PLCB1: variants seen among roughly 807,000 people sequenced by gnomAD.
The protein encoded by PLCB1 is phospholipase C beta 1.
PLCB1 carries 46 observed loss-of-function variants against 161.8 expected under a neutral mutation model. The ratio of observed to expected loss-of-function variants is 0.28; its 90% CI spans 0.22 to 0.36. PLCB1 has a LOEUF of 0.36. PLCB1 is among the 10% of genes least tolerant of loss of function. PLCB1 has a pLI of 1.00. For missense variants in PLCB1, 1,016 were observed against 1,472.5 expected, an observed-to-expected ratio of 0.69 and a Z score of 5.07; for synonymous variants, 517 against 503.7, an observed-to-expected ratio of 1.03 and a Z score of -0.35.
chr20:8,644,678 G>C (rs1465443344), intron 4 of PLCB1, among the ~76,000 whole-genome samples: 2 of 151,188 alleles, frequency 1.3e-5, no homozygotes, highest in African/African-American at 4.9e-5. Flanking sequence ...TCTCCGCCCG[G>C]CAGCCGCCCC....
intron 31 of PLCB1, among the ~76,000 whole-genome samples, chr20:8,796,996 T>C (rs765862573): frequency 1.3e-5 from 2 of 152,256 alleles, no homozygotes; most frequent in Non-Finnish European, 2.9e-5. Context: ...TTGGAGTTTT[T>C]ATTTTTGTTT....
chr20:8,815,730 A>G (rs545750770), intron 31 of PLCB1, among the ~76,000 whole-genome samples: 1 of 152,236 alleles, frequency 6.6e-6, no homozygotes, highest in East Asian at 1.9e-4. Context: ...CAAAAGATCT[A>G]GAAATATCTG....
At chr20:8,278,354 G>GTA (rs11474514) in intron 2 of PLCB1, among the ~76,000 whole-genome samples, 18,458 of 104,124 alleles carry the variant, frequency 0.18, 1,492 homozygotes, top group East Asian at 0.32. Context: ...TTTATATTAT[G>GTA]TATATATATA....
chr20:8,534,653 G>C lies in PLCB1; in HGVS notation c.247-93641G>C, dbSNP rs553200704. On this transcript the variant is annotated intron_variant, in intron 3 of 31. Transcript: ENST00000338037. ...GAGCTTCCCCTCAGAGAGCTGGGATGTTGTCAGCAGGCATCAGACAGAGCA... is the reference window on the plus strand; with the variant it reads ...GAGCTTCCCCTCAGAGAGCTGGGATCTTGTCAGCAGGCATCAGACAGAGCA... Among the ~76,000 whole-genome samples, 34 of 151,884 alleles carry C rather than the reference G, an allele frequency of 2.2e-4. 1 individual carries two copies. The highest frequency in any genetic ancestry group is 2.1e-3 in the Admixed American group (32 of 15,286).
chr20:8,216,981 C>G (rs966657440), intron 2 of PLCB1, among the ~76,000 whole-genome samples: 1 of 152,116 alleles, frequency 6.6e-6, no homozygotes, highest in African/African-American at 2.4e-5. Flanking sequence ...CAAATGTGTC[C>G]TCTTGTGCGT....
At chr20:8,799,378 A>G (rs912188276) in intron 31 of PLCB1, among the ~76,000 whole-genome samples, 3 of 152,208 alleles carry the variant, frequency 2.0e-5, no homozygotes, top group East Asian at 3.9e-4. Flanking sequence ...CCTGCCATAC[A>G]TGAAAAGTCC....
rs574108892 is a variant in PLCB1, at chr20:8,866,702, T to C, written c.3424-14920T>C. Among the ~76,000 whole-genome samples, 11 of 152,316 alleles carry C rather than the reference T, an allele frequency of 7.2e-5. No individual in the cohort carries two copies. The South Asian group carries it at 2.3e-3, about 32-fold the overall frequency. ...CAGCTCCTGTCACTCGTTTGCCTTT[T>C]GATCTGGCCCTGCCTCAGTTTGCTC... On this transcript the variant is annotated intron_variant, in intron 31 of 31. Transcript: ENST00000338037.
At chr20:8,249,976 C>A (rs1191699267) in intron 2 of PLCB1, among the ~76,000 whole-genome samples, 1 of 151,934 alleles carries the variant, frequency 6.6e-6, no homozygotes, top group African/African-American at 2.4e-5. Flanking sequence ...AGGCTCAAGC[C>A]TGTTGCCAGA....
At chr20:8,488,556 C>T (rs1017426058) in intron 3 of PLCB1, among the ~76,000 whole-genome samples, 9 of 152,062 alleles carry the variant, frequency 5.9e-5, no homozygotes, top group Non-Finnish European at 2.9e-5. Flanking sequence ...AAGACTCATG[C>T]GTGAAATGAC....
intron 31 of PLCB1, among the ~76,000 whole-genome samples, chr20:8,865,064 C>T (rs1482550035): frequency 1.3e-5 from 2 of 152,204 alleles, no homozygotes; most frequent in African/African-American, 4.8e-5. Flanking sequence ...TCACCGGTTC[C>T]TGTCCTTATA....
Position 8,788,506 on chromosome 20 carries a change from C to T in PLCB1, c.3169C>T (p.Leu1057Phe). 1 of 1,613,500 alleles carries T rather than the reference C, an allele frequency of 6.2e-7. No homozygotes were observed. Among genetic ancestry groups the T allele is most frequent in the Non-Finnish European group, 8.5e-7 (1 of 1,179,748 alleles). ...GTGTCAGAACAATCAGTTAAAGAAG[C>T]TCAAAGAAATCTGTGAGAAGTAAGC... ...EECQNNQLKK[L>F]KEICEKEKKE... is the part of the protein sequence containing the mutation. The change falls in exon 28 of 32, where the codon CTC becomes TTC. Residue 1057 changes from leucine to phenylalanine, a missense_variant. Physicochemically the swap from Leu to Phe is conservative, Grantham distance 22. Coordinates refer to ENST00000338037, the MANE Select transcript of PLCB1 (RefSeq NM_015192.4).
intron 3 of PLCB1, among the ~76,000 whole-genome samples, chr20:8,477,622 G>A (rs998484737): frequency 2.0e-5 from 3 of 152,176 alleles, no homozygotes; most frequent in African/African-American, 7.2e-5. Context: ...CCAGCATCTG[G>A]TGAAGCCTCA....
chr20:8,219,528 A>C (rs4816053), intron 2 of PLCB1, among the ~76,000 whole-genome samples: 152,272 of 152,272 alleles, frequency 1, 76,136 homozygotes, highest in Non-Finnish European at 1. Context: ...GAACTGTAAC[A>C]TGAGCGATTT....
chr20:8,554,315 G>GC (rs997934065), intron 3 of PLCB1, among the ~76,000 whole-genome samples: 8 of 151,974 alleles, frequency 5.3e-5, no homozygotes, highest in Middle Eastern at 3.2e-3. Context: ...AATGCTTATA[G>GC]CCCCTTTATT....
chr20:8,666,622 A>C (rs1989818495), intron 9 of PLCB1, among the ~76,000 whole-genome samples: 1 of 152,214 alleles, frequency 6.6e-6, no homozygotes, highest in Admixed American at 6.5e-5. Context: ...GTTGGGACCA[A>C]GACCATGTTT....
At chr20:8,745,848 A>C (rs570314456) in intron 23 of PLCB1, among the ~76,000 whole-genome samples, 35 of 152,312 alleles carry the variant, frequency 2.3e-4, no homozygotes, top group African/African-American at 7.9e-4. Flanking sequence ...AAACTAAAGA[A>C]ATAAAATTTT....
chr20:8,618,342 C>T (rs1171058237), intron 3 of PLCB1, among the ~76,000 whole-genome samples: 1 of 152,038 alleles, frequency 6.6e-6, no homozygotes, highest in African/African-American at 2.4e-5. Context: ...CTTTACACTC[C>T]TTAAATTTCC....
At chr20:8,828,218 G>T (rs1985807215) in intron 31 of PLCB1, among the ~76,000 whole-genome samples, 1 of 152,268 alleles carries the variant, frequency 6.6e-6, no homozygotes, top group African/African-American at 2.4e-5. Flanking sequence ...TGTATCCAAA[G>T]GCTCCATCAA....
At chr20:8,587,971 C>T (rs1199836758) in intron 3 of PLCB1, among the ~76,000 whole-genome samples, 1 of 152,168 alleles carries the variant, frequency 6.6e-6, no homozygotes, top group Non-Finnish European at 1.5e-5. Context: ...CCAACCCCCA[C>T]CAAAATAAAA....
Sources: allele counts gnomAD v4.1 joint callset (sites outside exome capture counted in the v4.1 genomes callset), GRCh38; gene constraint gnomAD v4.1.1; transcripts MANE v1.5; gene names NCBI Gene and HGNC (gene_info 2026-07-23, HGNC 2026-07-21).